Variants in HS6ST2 observed in about 807,000 individuals in gnomAD.
HS6ST2 encodes the protein heparan-sulfate 6-O-sulfotransferase 2.
In HS6ST2, 17 loss-of-function variants were observed where a neutral mutation model predicts 33.0. The ratio of observed to expected loss-of-function variants is 0.52; its 90% CI spans 0.35 to 0.77. HS6ST2 has a LOEUF of 0.77. Among genes scored for constraint, HS6ST2 ranks in the 30% least tolerant of loss-of-function variants. HS6ST2 has a pLI of 0.01. For missense variants in HS6ST2, 519 were observed against 551.7 expected (o/e 0.94, Z 0.59); for synonymous variants, 248 against 237.1 (o/e 1.05, Z -0.42).
intron 2 of HS6ST2, among the ~76,000 whole-genome samples, chrX:132,884,774 T>C (rs944499536): frequency 3.6e-5 from 4 of 111,338 alleles, no homozygotes; most frequent in Non-Finnish European, 7.5e-5. Context: ...ACTAACAGCA[T>C]GGACTCAGAG....
intron 3 of HS6ST2, among the ~76,000 whole-genome samples, chrX:132,695,550 G>A (rs760630288): frequency 1.7e-4 from 19 of 111,389 alleles, no homozygotes; most frequent in Non-Finnish European, 1.1e-4. Context: ...ATTATTTTGG[G>A]GAAGGCTGAT....
rs1256702659 is a variant in HS6ST2 at position 132,841,449 on chromosome X, C to T, written c.947+115359G>A. ...CCGCTCACCTTTCTGTAAAGAAAAT[C>T]GACAGGCATGATACTCTTTATGAAG... is the stretch of plus-strand genomic sequence containing the variant. On this transcript the variant is annotated intron_variant, in intron 2 of 4. Transcript: ENST00000370833. Among the ~76,000 whole-genome samples the T allele has an allele frequency of 2.7e-5, 3 of 111,414 alleles. No homozygotes were observed. In the Admixed American group the frequency reaches 2.9e-4, roughly 11 times the overall value.
chrX:132,672,612 T>C (rs757178307), intron 3 of HS6ST2, among the ~76,000 whole-genome samples: 8 of 111,856 alleles, frequency 7.2e-5, no homozygotes, highest in Non-Finnish European at 1.5e-4. Context: ...TGAGTTTCTG[T>C]TGGGAAAAGT....
At chrX:132,883,389 C>T (rs1036539913) in intron 2 of HS6ST2, among the ~76,000 whole-genome samples, 2 of 111,413 alleles carry the variant, frequency 1.8e-5, no homozygotes, top group African/African-American at 6.5e-5. Context: ...TTATCCATTT[C>T]TTCTAGATTT....
intron 2 of HS6ST2, among the ~76,000 whole-genome samples, chrX:132,727,175 C>G (rs2064401286): frequency 9.3e-6 from 1 of 107,356 alleles, no homozygotes; most frequent in African/African-American, 3.4e-5. Context: ...TCCCCACTCA[C>G]TTGACAAATC....
rs774799555 is a variant in HS6ST2, at chrX:132,628,901, G to T, written c.1260C>A (p.Asp420Glu). The change falls in exon 5 of 5, where the codon GAC (aspartate) becomes GAA (glutamate). Residue 420 changes from aspartate to glutamate, a missense_variant. By Grantham distance (45) the Asp-to-Glu change is conservative (BLOSUM62 2). Coordinates refer to ENST00000370833, the MANE Select transcript of HS6ST2 (RefSeq NM_001394073.1). ...WSGCPLKEFM[D>E]CPYNLANNRQ... ...GGTTGTTGGCTAGATTGTAGGGACA[G>T]TCCATAAACTCTTTGAGGGGGCAGC... 20 of 1,209,821 alleles carry T rather than the reference G, an allele frequency of 1.7e-5. No homozygotes were observed. The highest frequency in any genetic ancestry group is 2.2e-5 in the Non-Finnish European group (20 of 895,159).
chrX:132,678,986 C>A (rs143030778), intron 3 of HS6ST2, among the ~76,000 whole-genome samples: 246 of 111,845 alleles, frequency 2.2e-3, no homozygotes, highest in African/African-American at 7.9e-3. Flanking sequence ...AAGGGAAAGA[C>A]GCCTAGAAAT....
chrX:132,630,845 T>C (rs1013744968), intron 4 of HS6ST2, among the ~76,000 whole-genome samples: 64 of 111,088 alleles, frequency 5.8e-4, no homozygotes, highest in Non-Finnish European at 1.1e-3. Flanking sequence ...CTCAGGAGGC[T>C]GAGGCACGAG....
At position 132,874,777 on chromosome X, in the gene HS6ST2, T is replaced by G. The variant is rs143980592; in HGVS notation, c.947+82031A>C. 3.2e-3 allele frequency among the ~76,000 whole-genome samples: 352 copies of G among 111,025 alleles called. 3 individuals are homozygous for G. The highest frequency in any genetic ancestry group is 4.7e-3 in the Middle Eastern group (1 of 215). ...CCCTTTCCAACTGGCTATGTGAGAA[T>G]AGAAAACCCAAATCCCAGCTCAGTC... On this transcript the variant is annotated intron_variant, in intron 2 of 4. Transcript: ENST00000370833.
chrX:132,957,088 T>C lies in HS6ST2; in HGVS notation c.667A>G (p.Ile223Val). 1 of 1,211,698 alleles carries C rather than the reference T, an allele frequency of 8.3e-7. No homozygotes were observed. The highest frequency in any genetic ancestry group is 1.1e-6 in the Non-Finnish European group (1 of 895,433). Residue 223 changes from isoleucine to valine, a missense_variant, in exon 2 of 5, where the codon ATC (isoleucine) becomes GTC (valine). Ile to Val is a conservative substitution (Grantham distance 29). Coordinates refer to ENST00000370833, the MANE Select transcript of HS6ST2 (RefSeq NM_001394073.1). ...GDLLRKVDFDIKGDDLIVFLH... is the reference protein window; with the variant it reads ...GDLLRKVDFDVKGDDLIVFLH... ...AACACGATCAGGTCATCGCCCTTGA[T>C]GTCGAAGTCTACCTTGCGCAGGAGG...
chrX:132,717,030 G>T (rs917284714), intron 2 of HS6ST2, among the ~76,000 whole-genome samples: 5 of 112,726 alleles, frequency 4.4e-5, no homozygotes, highest in Non-Finnish European at 7.5e-5. Flanking sequence ...TTAAAACACA[G>T]AGAACGAAAA....
intron 2 of HS6ST2, among the ~76,000 whole-genome samples, chrX:132,934,788 T>C (rs1193925329): frequency 9.0e-6 from 1 of 111,434 alleles, no homozygotes. Flanking sequence ...TAAATGTAGA[T>C]GGATGAAACA....
At chrX:132,939,152 C>T (rs2066859533) in intron 2 of HS6ST2, among the ~76,000 whole-genome samples, 1 of 111,510 alleles carries the variant, frequency 9.0e-6, no homozygotes, top group South Asian at 3.8e-4. Flanking sequence ...CTCCCATAAT[C>T]CAAACACCTC....
chrX:132,741,108 T>C (rs1027818592), intron 2 of HS6ST2, among the ~76,000 whole-genome samples: 2 of 111,471 alleles, frequency 1.8e-5, no homozygotes, highest in African/African-American at 6.5e-5. Flanking sequence ...GTCGGGTGGA[T>C]GCTGCTCTTG....
At chrX:132,656,797 G>A (rs183522949) in intron 4 of HS6ST2, among the ~76,000 whole-genome samples, 1 of 111,701 alleles carries the variant, frequency 9.0e-6, no homozygotes, top group East Asian at 2.8e-4. Flanking sequence ...GTAGAGTGAG[G>A]GCCTGGAGCC....
chrX:132,670,796 G>A (rs957244207), intron 3 of HS6ST2, among the ~76,000 whole-genome samples: 1 of 112,341 alleles, frequency 8.9e-6, no homozygotes, highest in African/African-American at 3.2e-5. Context: ...CCGGGCAACA[G>A]TGCGAGACTC....
chrX:132,850,731 TAC>T (rs111520127), intron 2 of HS6ST2, among the ~76,000 whole-genome samples: 4 of 105,881 alleles, frequency 3.8e-5, no homozygotes, highest in African/African-American at 3.5e-5. Flanking sequence ...TTTCTACATC[TAC>T]ACACACACAC....
chrX:132,857,571 C>T (rs1295787711), intron 2 of HS6ST2, among the ~76,000 whole-genome samples: 2 of 110,836 alleles, frequency 1.8e-5, no homozygotes, highest in African/African-American at 6.6e-5. Context: ...AATAGATAAC[C>T]AAGAAAGCAA....
At chrX:132,884,876 A>G (rs1049011682) in intron 2 of HS6ST2, among the ~76,000 whole-genome samples, 5 of 111,626 alleles carry the variant, frequency 4.5e-5, no homozygotes, top group Admixed American at 1.9e-4. Flanking sequence ...AGGTCCTGCA[A>G]GTGGTGATAG....
Sources: allele counts gnomAD v4.1 joint callset (sites outside exome capture counted in the v4.1 genomes callset), GRCh38; gene constraint gnomAD v4.1.1; transcripts MANE v1.5; gene names NCBI Gene and HGNC (gene_info 2026-07-23, HGNC 2026-07-21).